The following TIMP2 variants were observed in gnomAD, a reference collection of about 807,000 sequenced individuals.
TIMP2 encodes the protein TIMP metallopeptidase inhibitor 2.
Under a neutral mutation model 24.3 loss-of-function variants are expected in TIMP2, and 5 were observed. The observed-to-expected ratio is 0.21, with a 90% CI of 0.11 to 0.43. The LOEUF (loss-of-function observed/expected upper bound fraction) is 0.43. TIMP2 is among the 20% of genes least tolerant of loss of function. The probability of loss-of-function intolerance (pLI) is 1.00; values close to 1 mark genes in which losing one functional copy is unlikely to be tolerated. For missense variants in TIMP2, 221 were observed against 297.5 expected, an observed-to-expected ratio of 0.74 and a Z score of 1.89; for synonymous variants, 130 against 123.2, an observed-to-expected ratio of 1.06 and a Z score of -0.37.
chr17:78,924,307 G>T lies in TIMP2; in HGVS notation c.130+652C>A, dbSNP rs2070332199. On this transcript the variant is annotated intron_variant, in intron 1 of 4. Transcript: ENST00000262768. The surrounding 1 kb of genome is among the most constrained non-coding windows in gnomAD (Gnocchi z 5.3). The stretch of plus-strand genomic sequence containing the variant: ...GACGTCCCGAAAAAGCGGAACATTC[G>T]GGGGTCCCGGTCCCTGCCCAGCCAG... Among the ~76,000 whole-genome samples, 1 of 152,178 alleles carries T rather than the reference G, an allele frequency of 6.6e-6. No homozygotes were observed. The highest frequency in any genetic ancestry group is 2.4e-5 in the African/African-American group (1 of 41,454).
In TIMP2 at chr17:78,855,301, T is replaced by G; in HGVS notation, c.*366A>C. 1 of 319,858 alleles carries G rather than the reference T, an allele frequency of 3.1e-6. No homozygotes were observed. Among genetic ancestry groups the G allele is most frequent in the Non-Finnish European group, 6.0e-6 (1 of 166,038 alleles). 19.8% of individuals were successfully genotyped at this position (319,858 alleles called of 1,614,324 possible). A position where few individuals can be genotyped will look rare whatever the true frequency, so the allele number is the denominator to read the frequency against. On this transcript the variant is annotated 3_prime_UTR_variant, in exon 5 of 5. Transcript: ENST00000262768. The surrounding 1 kb of genome is among the most constrained non-coding windows in gnomAD (Gnocchi z 6.0). ...CTCAAAAGTTTCTGCAAAATGCACA[T>G]TTCCAGGCCCTGCCCTAACCCAGCT...
chr17:78,924,931 C>T lies in TIMP2; in HGVS notation c.130+28G>A. The stretch of plus-strand genomic sequence containing the variant: ...GGGTCGCGGGGGAGGTGGGGCCCCG[C>T]GCGGGGGCTGGGGTCGCCGCTCCTT... On this transcript the variant is annotated intron_variant, in intron 1 of 4. Coordinates refer to ENST00000262768, the MANE Select transcript of TIMP2 (RefSeq NM_003255.5). This position sits in a 1 kb window ranked among gnomAD's most constrained non-coding sequence, Gnocchi z 5.3. 8.2e-7 allele frequency: 1 copy of T among 1,212,562 alleles called. No individual in the cohort carries two copies. 75.1% of individuals were successfully genotyped at this position (1,212,562 alleles called of 1,614,324 possible).
intron 1 of TIMP2, among the ~76,000 whole-genome samples, chr17:78,876,525 TA>T (rs749970825): frequency 1.1e-3 from 164 of 152,090 alleles, no homozygotes; most frequent in Non-Finnish European, 2.1e-3. Context: ...TTACCATATA[TA>T]TTTTTTTGAG....
chr17:78,885,314 T>A (rs542165081), intron 1 of TIMP2, among the ~76,000 whole-genome samples: 5 of 152,256 alleles, frequency 3.3e-5, no homozygotes, highest in Admixed American at 1.3e-4. Context: ...AGAGCAGAGC[T>A]CTAGAAGGTG....
In TIMP2 at chr17:78,855,203, C is replaced by T. The variant is rs1371304991; in HGVS notation, c.*464G>A. 5.7e-6 allele frequency: 1 copy of T among 176,414 alleles called. No homozygotes were observed. The highest frequency in any genetic ancestry group is 1.2e-5 in the Non-Finnish European group (1 of 80,408). The allele number at this position is 176,414 out of a possible 1,614,324, so 10.9% of individuals were successfully genotyped here. ...AGGGAGTGCAGAGGCGTGGAAGCTG[C>T]AGAAAACAAGGGCCATGTCCCTCTC... On this transcript the variant is annotated 3_prime_UTR_variant, in exon 5 of 5. Coordinates refer to ENST00000262768, the MANE Select transcript of TIMP2 (RefSeq NM_003255.5). The surrounding 1 kb of genome is among the most constrained non-coding windows in gnomAD (Gnocchi z 6.0).
At chr17:78,898,198 A>C (rs1214539570) in intron 1 of TIMP2, 1 of 152,164 alleles carries the variant, frequency 6.6e-6, no homozygotes, top group Non-Finnish European at 1.5e-5. Context: ...ACCTCTCTCC[A>C]TCTCACCGCC....
At chr17:78,863,849 C>T (rs1265265591) in intron 3 of TIMP2, among the ~76,000 whole-genome samples, 2 of 152,146 alleles carry the variant, frequency 1.3e-5, no homozygotes, top group Non-Finnish European at 2.9e-5. Context: ...TTTCTGGTCT[C>T]CTACTCCCAC....
At chr17:78,907,949 C>T (rs1260522144) in intron 1 of TIMP2, among the ~76,000 whole-genome samples, 2 of 152,186 alleles carry the variant, frequency 1.3e-5, no homozygotes, top group East Asian at 3.9e-4. Context: ...GCCTGAACAA[C>T]ATGGCGAAAC....
At chr17:78,903,938 T>C (rs1193913453) in intron 1 of TIMP2, among the ~76,000 whole-genome samples, 1 of 151,960 alleles carries the variant, frequency 6.6e-6, no homozygotes, top group Non-Finnish European at 1.5e-5. Flanking sequence ...TTTTGTTTGT[T>C]TTTTAGACAG....
rs1298793739 is a variant in TIMP2 at position 78,853,430 on chromosome 17, C to T, written c.*2237G>A. The T allele has an allele frequency of 1.3e-5, 2 of 152,184 alleles. No homozygotes were observed. Among genetic ancestry groups the T allele is most frequent in the African/African-American group, 4.8e-5 (2 of 41,412 alleles). 9.4% of individuals were successfully genotyped at this position (152,184 alleles called of 1,614,324 possible). On this transcript the variant is annotated 3_prime_UTR_variant, in exon 5 of 5. Transcript: ENST00000262768. ...AGCGGCTTCCTCTGTCAGCTGCCACCCGGCTCTTCTTAACCTGTTTTGTTT... is the reference window on the plus strand; with the variant it reads ...AGCGGCTTCCTCTGTCAGCTGCCACTCGGCTCTTCTTAACCTGTTTTGTTT...
chr17:78,867,460 C>T (rs2069626677), intron 3 of TIMP2, among the ~76,000 whole-genome samples: 1 of 152,026 alleles, frequency 6.6e-6, no homozygotes, highest in African/African-American at 2.4e-5. Context: ...GTCTTCCCTG[C>T]CCAACTCACA....
chr17:78,886,077 C>T (rs1159864689), intron 1 of TIMP2, among the ~76,000 whole-genome samples: 1 of 152,182 alleles, frequency 6.6e-6, no homozygotes, highest in Non-Finnish European at 1.5e-5. Context: ...GTTAAAGAAC[C>T]ACCCTGTCCC....
chr17:78,916,955 G>A (rs542711113), intron 1 of TIMP2, among the ~76,000 whole-genome samples: 4 of 152,328 alleles, frequency 2.6e-5, no homozygotes, highest in East Asian at 1.9e-4. Flanking sequence ...TCCTAACCTC[G>A]GTAAGAGTCT....
At chr17:78,878,359 G>A (rs905401306) in intron 1 of TIMP2, among the ~76,000 whole-genome samples, 1 of 152,182 alleles carries the variant, frequency 6.6e-6, no homozygotes, top group African/African-American at 2.4e-5. Context: ...CAAGGTCGTG[G>A]TGACTGTTAG....
At chr17:78,918,076 A>T (rs8065944) in intron 1 of TIMP2, among the ~76,000 whole-genome samples, 65,523 of 146,204 alleles carry the variant, frequency 0.45, 15,063 homozygotes, top group Non-Finnish European at 0.51. Context: ...ACACACACAC[A>T]CACACACACA....
At chr17:78,890,769 G>C (rs1168321849) in intron 1 of TIMP2, 1 of 1,550,664 alleles carries the variant, frequency 6.4e-7, no homozygotes, top group Non-Finnish European at 8.7e-7. Flanking sequence ...TCGTCGGCGA[G>C]GCTGGTGCCC....
In TIMP2 at chr17:78,920,495, T is replaced by C. The variant is rs551361763; in HGVS notation, c.130+4464A>G. On this transcript the variant is annotated intron_variant, in intron 1 of 4. Transcript: ENST00000262768. This position sits in a 1 kb window ranked among gnomAD's most constrained non-coding sequence, Gnocchi z 4.5. ...CCTCCAGGCTGTGCACAGCTCTCCC[T>C]GCTCTTCCAGTCCCCCTGCCTTGGG... Among the ~76,000 whole-genome samples the C allele has an allele frequency of 2.0e-5, 3 of 152,244 alleles. No homozygotes were observed. The highest frequency in any genetic ancestry group is 3.9e-4 in the East Asian group (2 of 5,174).
chr17:78,871,489 T>A (rs1483944964), intron 2 of TIMP2, among the ~76,000 whole-genome samples: 1 of 150,672 alleles, frequency 6.6e-6, no homozygotes, highest in Non-Finnish European at 1.5e-5. Flanking sequence ...AAAGACTTCT[T>A]ATAGCAAAGT....
At chr17:78,865,970 T>C (rs769636145) in intron 3 of TIMP2, among the ~76,000 whole-genome samples, 4 of 152,004 alleles carry the variant, frequency 2.6e-5, no homozygotes, top group Admixed American at 1.3e-4. Flanking sequence ...CTGGGACGGC[T>C]GGGACTTACT....
Sources: gnomAD v4.1 joint callset for allele counts (sites outside exome capture counted in the v4.1 genomes callset) on GRCh38, gnomAD v4.1.1 for gene constraint, Gnocchi (gnomAD v3.1) non-coding constraint, MANE v1.5 for transcripts, NCBI Gene and HGNC (gene_info 2026-07-23, HGNC 2026-07-21) for gene names.